ANK2: variants seen among roughly 807,000 people sequenced by gnomAD.
ANK2 encodes ankyrin 2.
In ANK2, 83 loss-of-function variants were observed where a neutral mutation model predicts 360.5. The observed-to-expected ratio is 0.23, with a 90% CI of 0.19 to 0.28. ANK2 has a LOEUF of 0.28. Among genes scored for constraint, ANK2 ranks in the 10% least tolerant of loss-of-function variants. ANK2 has a pLI of 1.00. For missense variants in ANK2, 4,201 were observed against 4,795.7 expected (o/e 0.88, Z 3.66); for synonymous variants, 1,740 against 1,759.5 (o/e 0.99, Z 0.28).
At chr4:112,905,548 A>C (rs774079128) in intron 2 of ANK2, among the ~76,000 whole-genome samples, 18 of 152,242 alleles carry the variant, frequency 1.2e-4, no homozygotes, top group Non-Finnish European at 2.5e-4. Flanking sequence ...ATAATTATTT[A>C]ACATACATTT....
At chr4:113,340,612 C>T (rs762140739) in intron 32 of ANK2, among the ~76,000 whole-genome samples, 1 of 152,166 alleles carries the variant, frequency 6.6e-6, no homozygotes, top group Non-Finnish European at 1.5e-5. Context: ...GGGAGGATCT[C>T]TTGAGCCCAG....
intron 1 of ANK2, among the ~76,000 whole-genome samples, chr4:112,851,022 G>T (rs1239630461): frequency 6.6e-6 from 1 of 152,114 alleles, no homozygotes; most frequent in African/African-American, 2.4e-5. Context: ...AAGGTTTTAT[G>T]GGACCAATAA....
chr4:113,266,152 T>A (rs1392846303), intron 14 of ANK2, among the ~76,000 whole-genome samples: 1 of 152,158 alleles, frequency 6.6e-6, no homozygotes, highest in African/African-American at 2.4e-5. Context: ...TTCCCCTCCC[T>A]GTGTCCATGT....
intron 45 of ANK2, among the ~76,000 whole-genome samples, chr4:113,376,143 A>T (rs1421879860): frequency 6.6e-6 from 1 of 152,150 alleles, no homozygotes; most frequent in African/African-American, 2.4e-5. Context: ...AATGACAGGG[A>T]TATGTGCTGG....
At chr4:113,295,228 G>A (rs1563510235) in intron 22 of ANK2, among the ~76,000 whole-genome samples, 2 of 152,220 alleles carry the variant, frequency 1.3e-5, no homozygotes, top group African/African-American at 2.4e-5. Flanking sequence ...AATTATCAGT[G>A]GTGAAAACAT....
At chr4:112,892,908 C>A (rs1279713751) in intron 1 of ANK2, among the ~76,000 whole-genome samples, 1 of 152,092 alleles carries the variant, frequency 6.6e-6, no homozygotes, top group Admixed American at 6.5e-5. Flanking sequence ...TTTAGGATGG[C>A]CTTTAGGATG....
intron 2 of ANK2, among the ~76,000 whole-genome samples, chr4:113,000,519 T>C (rs1398501088): frequency 6.6e-6 from 1 of 152,220 alleles, no homozygotes; most frequent in Admixed American, 6.5e-5. Context: ...TCCTACTTCA[T>C]TGTCCAGTGT....
intron 2 of ANK2, among the ~76,000 whole-genome samples, chr4:112,932,602 T>G (rs933540860): frequency 2.6e-5 from 4 of 151,936 alleles, no homozygotes; most frequent in African/African-American, 7.2e-5. Context: ...GAGTATAAGT[T>G]TTAGTGTTAG....
chr4:113,245,715 C>T (rs1013911881), intron 9 of ANK2, among the ~76,000 whole-genome samples: 5 of 151,988 alleles, frequency 3.3e-5, no homozygotes, highest in Admixed American at 6.5e-5. Context: ...TAGGTGGTGA[C>T]GCCTAAATCA....
chr4:113,096,393 G>C lies in ANK2; in HGVS notation c.84+46581G>C, dbSNP rs564385995. ...ATCCAGACGTTGGTAACCTGGGGCTGGTAAGGCGCTCCATGGGCTCAGGAA... is the reference window on the plus strand; with the variant it reads ...ATCCAGACGTTGGTAACCTGGGGCTCGTAAGGCGCTCCATGGGCTCAGGAA... On this transcript the variant is annotated intron_variant, in intron 1 of 45. Transcript: ENST00000357077. 6.6e-5 allele frequency among the ~76,000 whole-genome samples: 10 copies of C among 152,248 alleles called. No homozygotes were observed. In the East Asian group the frequency reaches 1.9e-3, roughly 29 times the overall value.
At chr4:112,802,126 G>T in the ANK2 span, among the ~76,000 whole-genome samples, 16 of 152,248 alleles carry the variant, frequency 1.1e-4, no homozygotes, top group Admixed American at 9.8e-4. Flanking sequence ...GGAGTGGCAG[G>T]TTTCTTGAGG....
chr4:112,824,393 T>G (rs12499952), intron 1 of ANK2, among the ~76,000 whole-genome samples: 88,722 of 151,896 alleles, frequency 0.58, 26,857 homozygotes, highest in East Asian at 0.93. Flanking sequence ...CTGGAGACAG[T>G]GTGTTGTTCT....
intron 1 of ANK2, among the ~76,000 whole-genome samples, chr4:112,842,714 C>T (rs905558056): frequency 6.6e-6 from 1 of 152,226 alleles, no homozygotes; most frequent in African/African-American, 2.4e-5. Context: ...CGCTCAGCTC[C>T]TGCTGTGCGG....
At chr4:112,953,302 T>G (rs971525202) in intron 2 of ANK2, among the ~76,000 whole-genome samples, 1 of 152,260 alleles carries the variant, frequency 6.6e-6, no homozygotes, top group African/African-American at 2.4e-5. Context: ...CAAGCATAAT[T>G]TATAGCTTGA....
chr4:113,087,596 T>A lies in ANK2; in HGVS notation c.84+37784T>A, dbSNP rs2085485482. On this transcript the variant is annotated intron_variant, in intron 1 of 45. Transcript: ENST00000357077. Reference sequence around the variant, plus strand: ...TATTAAACAAAGATGGCTTAATCATTTTTTAAGCAGAGGTAACCAGAAAGA... The same window carrying A: ...TATTAAACAAAGATGGCTTAATCATATTTTAAGCAGAGGTAACCAGAAAGA... 2.0e-5 allele frequency among the ~76,000 whole-genome samples: 3 copies of A among 152,170 alleles called. No individual in the cohort carries two copies. In the South Asian group the frequency reaches 6.2e-4, roughly 31 times the overall value.
intron 4 of ANK2, among the ~76,000 whole-genome samples, chr4:113,206,673 A>G (rs2098953515): frequency 6.6e-6 from 1 of 152,162 alleles, no homozygotes; most frequent in African/African-American, 2.4e-5. Context: ...GTTAAAGAAA[A>G]TATGCTTTTT....
the ANK2 span, among the ~76,000 whole-genome samples, chr4:112,809,935 A>T: frequency 0.096 from 14,557 of 151,364 alleles, 887 homozygotes; most frequent in Middle Eastern, 0.14. Flanking sequence ...ATTTTACTGT[A>T]CAACATTTCA....
chr4:112,911,742 A>C (rs1373524434), intron 2 of ANK2, among the ~76,000 whole-genome samples: 1 of 152,262 alleles, frequency 6.6e-6, no homozygotes, highest in Non-Finnish European at 1.5e-5. Flanking sequence ...GAGATAAAAA[A>C]AGAAAAAAGC....
intron 2 of ANK2, among the ~76,000 whole-genome samples, chr4:113,043,473 G>T (rs894117570): frequency 6.6e-6 from 1 of 151,874 alleles, no homozygotes; most frequent in African/African-American, 2.4e-5. Flanking sequence ...GTCTCACTAT[G>T]TTGCTCAGGC....
Sources: gnomAD v4.1 joint callset for allele counts (sites outside exome capture counted in the v4.1 genomes callset) on GRCh38, gnomAD v4.1.1 for gene constraint, MANE v1.5 for transcripts, NCBI Gene and HGNC (gene_info 2026-07-23, HGNC 2026-07-21) for gene names.